ADCYAP1R1: variants seen among roughly 807,000 people sequenced by gnomAD.
The protein encoded by ADCYAP1R1 is pituitary adenylate cyclase-activating polypeptide type I receptor.
A neutral mutation model predicts 67.6 loss-of-function variants in ADCYAP1R1; 44 were observed. That is an observed-to-expected ratio of 0.65 (90% CI 0.51 to 0.84). The LOEUF is 0.84. Ranked by LOEUF, ADCYAP1R1 falls within the 40% of genes least tolerant of loss-of-function variation. The pLI is 0.00. For missense variants in ADCYAP1R1, 477 were observed against 587.9 expected (o/e 0.81, Z 1.95); for synonymous variants, 222 against 219.6 (o/e 1.01, Z -0.10).
chr7:31,092,600 G>A (rs767436045), intron 12 of ADCYAP1R1, 44 bp from the exon 13 acceptor site: 8 of 1,498,666 alleles, frequency 5.3e-6, no homozygotes, highest in Admixed American at 1.7e-5. Context: ...TAGCATCTTT[G>A]CCCAGAATCA....
At chr7:31,098,106 TG>T (rs1796279176) in intron 13 of ADCYAP1R1, among the ~76,000 whole-genome samples, 1 of 152,294 alleles carries the variant, frequency 6.6e-6, no homozygotes, top group Middle Eastern at 3.4e-3. Context: ...CTCACCATGT[TG>T]CCCAGGCTGG....
At chr7:31,077,349 GGT>G (rs1795281703) in intron 3 of ADCYAP1R1, among the ~76,000 whole-genome samples, 1 of 151,684 alleles carries the variant, frequency 6.6e-6, no homozygotes, top group African/African-American at 2.4e-5. Flanking sequence ...TGATGTGAGT[GGT>G]GTGTGTGTGA....
intron 3 of ADCYAP1R1, among the ~76,000 whole-genome samples, chr7:31,073,688 G>T (rs1382534897): frequency 2.0e-5 from 3 of 152,192 alleles, no homozygotes; most frequent in Admixed American, 6.5e-5. Context: ...TCTGTGCTAG[G>T]CTGGGAGGTG....
chr7:31,060,098 A>G (rs1171550236), intron 1 of ADCYAP1R1, among the ~76,000 whole-genome samples: 2 of 146,972 alleles, frequency 1.4e-5, no homozygotes, highest in Non-Finnish European at 3.0e-5. Context: ...CTGGCGATGA[A>G]GCAGAGGGCT....
At chr7:31,056,269 G>C (rs1794236878) in intron 1 of ADCYAP1R1, among the ~76,000 whole-genome samples, 1 of 152,148 alleles carries the variant, frequency 6.6e-6, no homozygotes, top group Non-Finnish European at 1.5e-5. Flanking sequence ...GTTTGAGTTG[G>C]CCTTGGAGGA....
chr7:31,053,574 AG>A (rs1794117850), intron 1 of ADCYAP1R1, among the ~76,000 whole-genome samples: 1 of 152,186 alleles, frequency 6.6e-6, no homozygotes, highest in South Asian at 2.1e-4. Flanking sequence ...GGAGCTGAGG[AG>A]GGGAGCCTCA....
At chr7:31,077,966 C>G in intron 3 of ADCYAP1R1, 25 bp from the exon 4 acceptor site, 2 of 1,568,296 alleles carry the variant, frequency 1.3e-6, no homozygotes, top group Non-Finnish European at 1.7e-6. Context: ...GCTGGCCCCT[C>G]TCACCATGGC....
Position 31,086,636 on chromosome 7 carries a change from G to A in ADCYAP1R1, c.823+99G>A. ...TCTTCAGGAAGTGTCAGGTGAGGAGGGGCCACTGCCCTGCCCGAGTCTAAT... is the reference window on the plus strand; with the variant it reads ...TCTTCAGGAAGTGTCAGGTGAGGAGAGGCCACTGCCCTGCCCGAGTCTAAT... On this transcript the variant is annotated intron_variant, in intron 10 of 15. Coordinates refer to ENST00000304166, the MANE Select transcript of ADCYAP1R1 (RefSeq NM_001118.5). This position sits in a 1 kb window ranked among gnomAD's most constrained non-coding sequence, Gnocchi z 5.0. 1 of 1,433,966 alleles carries A rather than the reference G, an allele frequency of 7.0e-7. No homozygotes were observed. The highest frequency in any genetic ancestry group is 9.6e-7 in the Non-Finnish European group (1 of 1,040,324). 88.8% of individuals were successfully genotyped at this position (1,433,966 alleles called of 1,614,324 possible).
chr7:31,103,508 C>A, intron 14 of ADCYAP1R1, 142 bp downstream of exon 14: 4 of 1,199,714 alleles, frequency 3.3e-6, no homozygotes, highest in African/African-American at 1.5e-5. Flanking sequence ...TGTCTGCTGT[C>A]TACCCTTAGG....
intron 3 of ADCYAP1R1, among the ~76,000 whole-genome samples, chr7:31,075,966 A>C (rs1363302713): frequency 6.6e-6 from 1 of 152,318 alleles, no homozygotes; most frequent in East Asian, 1.9e-4. Context: ...CCAGGTTTCC[A>C]GCTGGGGCTG....
At chr7:31,099,150 C>T (rs1172848482) in intron 13 of ADCYAP1R1, among the ~76,000 whole-genome samples, 1 of 152,174 alleles carries the variant, frequency 6.6e-6, no homozygotes, top group African/African-American at 2.4e-5. Flanking sequence ...CTGGGTCCAC[C>T]CAGGAGAATG....
chr7:31,096,304 A>G (rs112509437), intron 13 of ADCYAP1R1, among the ~76,000 whole-genome samples: 1,975 of 152,184 alleles, frequency 0.013, 43 homozygotes, highest in African/African-American at 0.045. Flanking sequence ...GAGGATGCAC[A>G]CATCTCTGGA....
intron 12 of ADCYAP1R1, among the ~76,000 whole-genome samples, chr7:31,092,357 CT>C (rs1467046640): frequency 2.6e-5 from 4 of 152,002 alleles, no homozygotes; most frequent in Admixed American, 6.6e-5. Flanking sequence ...TCCCATCACC[CT>C]GATCCTGTTT....
At position 31,106,486 on chromosome 7, in the gene ADCYAP1R1, C is replaced by T. The variant is rs1482243525; in HGVS notation, c.1219-10C>T. On this transcript the variant is annotated splice_polypyrimidine_tract_variant and intron_variant, in intron 15 of 15. Transcript: ENST00000304166. ...CATCTGGAAGTGACCGCCCAGTTTG[C>T]TCCCTGCAGGTACAAGCGGAGATCA... 1.9e-6 allele frequency: 3 copies of T among 1,595,970 alleles called. No individual in the cohort carries two copies. The highest frequency in any genetic ancestry group is 2.6e-6 in the Non-Finnish European group (3 of 1,170,618).
intron 4 of ADCYAP1R1, among the ~76,000 whole-genome samples, chr7:31,079,048 T>G (rs1191929409): frequency 6.6e-6 from 1 of 151,752 alleles, no homozygotes; most frequent in Non-Finnish European, 1.5e-5. Context: ...TGTGCACAGG[T>G]GGGATGTAGG....
In ADCYAP1R1 at chr7:31,086,763, A is replaced by G. The variant is rs1247291329; in HGVS notation, c.824-180A>G. On this transcript the variant is annotated intron_variant, in intron 10 of 15. Coordinates refer to ENST00000304166, the MANE Select transcript of ADCYAP1R1 (RefSeq NM_001118.5). The surrounding 1 kb of genome is among the most constrained non-coding windows in gnomAD (Gnocchi z 5.0). ...CCAGGAGTCCTCTGAGAGACAAGACAGCCCTTGGTCTGAGGGAGATATAGA... is the reference window on the plus strand; with the variant it reads ...CCAGGAGTCCTCTGAGAGACAAGACGGCCCTTGGTCTGAGGGAGATATAGA... 6.6e-6 allele frequency among the ~76,000 whole-genome samples: 1 copy of G among 152,180 alleles called. No individual in the cohort carries two copies. Among genetic ancestry groups the G allele is most frequent in the Non-Finnish European group, 1.5e-5 (1 of 68,034 alleles).
At chr7:31,097,935 CT>C (rs1796271623) in intron 13 of ADCYAP1R1, among the ~76,000 whole-genome samples, 1 of 152,182 alleles carries the variant, frequency 6.6e-6, no homozygotes, top group Admixed American at 6.5e-5. Flanking sequence ...GAGTCTTGCT[CT>C]GTTGCCCAGG....
At position 31,102,136 on chromosome 7, in the gene ADCYAP1R1, G is replaced by T. The variant is rs1188778814; in HGVS notation, c.1047-1101G>T. Among the ~76,000 whole-genome samples, 1 of 152,258 alleles carries T rather than the reference G, an allele frequency of 6.6e-6. No individual in the cohort carries two copies. The highest frequency in any genetic ancestry group is 1.5e-5 in the Non-Finnish European group (1 of 68,044). On this transcript the variant is annotated intron_variant, in intron 13 of 15. Transcript: ENST00000304166. The surrounding 1 kb of genome is among the most constrained non-coding windows in gnomAD (Gnocchi z 4.3). ...CAGAACATTCTCTCCCAGAAAGGCT[G>T]AATGCGGGAGAGAGGGACACATGGT...
chr7:31,081,737 A>G lies in ADCYAP1R1; in HGVS notation c.311A>G (p.Asn104Ser). The change falls in exon 6 of 16, where the codon AAC (asparagine) becomes AGC (serine). Residue 104 changes from asparagine (N) to serine (S), a missense_variant. Transcript: ENST00000304166. Reference sequence around the variant, plus strand: ...GGAGAGTCTGATTTTGGTGACAGTAACTCCTTAGATCTCTCAGGTAAGGGG... The same window carrying G: ...GGAGAGTCTGATTTTGGTGACAGTAGCTCCTTAGATCTCTCAGGTAAGGGG... Reference protein sequence around the residue: ...TIGESDFGDSNSLDLSDMGVV... With the variant: ...TIGESDFGDSSSLDLSDMGVV... 6.3e-7 allele frequency: 1 copy of G among 1,596,594 alleles called. No homozygotes were observed. Among genetic ancestry groups the G allele is most frequent in the African/African-American group, 1.3e-5 (1 of 74,562 alleles).
Sources: gnomAD v4.1 joint callset for allele counts (sites outside exome capture counted in the v4.1 genomes callset) on GRCh38, gnomAD v4.1.1 for gene constraint, Gnocchi (gnomAD v3.1) non-coding constraint, MANE v1.5 for transcripts, NCBI Gene and HGNC (gene_info 2026-07-23, HGNC 2026-07-21) for gene names.